The following MYO5B variants were observed in gnomAD, a reference collection of about 807,000 sequenced individuals.
The protein encoded by MYO5B is myosin VB.
In MYO5B, 143 loss-of-function variants were observed where a neutral mutation model predicts 229.3. The ratio of observed to expected loss-of-function variants is 0.62; its 90% CI spans 0.54 to 0.72. The LOEUF is 0.72. Ranked by LOEUF, MYO5B falls within the 30% of genes least tolerant of loss-of-function variation. The pLI is 0.00. For missense variants in MYO5B, 2,321 were observed against 2,331.0 expected (o/e 1.00, Z 0.09); for synonymous variants, 918 against 885.2 (o/e 1.04, Z -0.66).
At chr18:49,901,834 C>A (rs2024845047) in intron 21 of MYO5B, among the ~76,000 whole-genome samples, 1 of 152,180 alleles carries the variant, frequency 6.6e-6, no homozygotes, top group African/African-American at 2.4e-5. Context: ...CTTTAGGATG[C>A]CATGTGCCCT....
chr18:49,861,774 G>A (rs939313254), intron 29 of MYO5B, among the ~76,000 whole-genome samples: 1 of 152,162 alleles, frequency 6.6e-6, no homozygotes, highest in Non-Finnish European at 1.5e-5. Flanking sequence ...CTTCTCTGCA[G>A]AAAGAGGGAC....
At chr18:50,046,014 G>C (rs551167629) in intron 2 of MYO5B, among the ~76,000 whole-genome samples, 1 of 152,234 alleles carries the variant, frequency 6.6e-6, no homozygotes, top group African/African-American at 2.4e-5. Context: ...CCAAAGATTT[G>C]GAACTAATAA....
At chr18:49,829,016 T>C (rs911729716) in intron 39 of MYO5B, among the ~76,000 whole-genome samples, 6 of 149,196 alleles carry the variant, frequency 4.0e-5, no homozygotes, top group African/African-American at 1.5e-4. Context: ...ATAAATTAGA[T>C]GGAAAAAATA....
chr18:49,879,168 C>G, intron 23 of MYO5B, 78 bp from the exon 24 acceptor site: 1 of 1,590,178 alleles, frequency 6.3e-7, no homozygotes. Flanking sequence ...TCCGATTAAT[C>G]TCTTGTTAAG....
In MYO5B at chr18:49,847,290, C is replaced by T; in HGVS notation, c.4316-1G>A. On this transcript the variant is annotated splice_acceptor_variant, in intron 32 of 39. Transcript: ENST00000285039. LOFTEE classifies it high-confidence loss of function. ...TCACTCTGGGCCAATGCCTGGGCAG[C>T]TGAGCAGGAAAGAAAACAGGAAGCA... 1 of 1,613,098 alleles carries T rather than the reference C, an allele frequency of 6.2e-7. No individual in the cohort carries two copies. The highest frequency in any genetic ancestry group is 8.5e-7 in the Non-Finnish European group (1 of 1,179,940).
intron 10 of MYO5B, among the ~76,000 whole-genome samples, chr18:49,970,561 A>C (rs2025680229): frequency 6.6e-6 from 1 of 152,194 alleles, no homozygotes; most frequent in African/African-American, 2.4e-5. Flanking sequence ...TGGCGTGTGT[A>C]CTGCTTGCTT....
chr18:49,881,940 T>C (rs972565223), intron 22 of MYO5B, among the ~76,000 whole-genome samples: 1 of 152,204 alleles, frequency 6.6e-6, no homozygotes, highest in Admixed American at 6.5e-5. Context: ...TTAGTTGGTA[T>C]AGAGGAGGAT....
chr18:50,028,134 T>C (rs934044432), intron 4 of MYO5B, among the ~76,000 whole-genome samples: 1 of 152,218 alleles, frequency 6.6e-6, no homozygotes, highest in African/African-American at 2.4e-5. Context: ...TCTAATTGTA[T>C]GTGCAATTTA....
At chr18:49,954,629 C>T (rs1014073696) in intron 12 of MYO5B, among the ~76,000 whole-genome samples, 194 bp from the exon 13 acceptor site, 10 of 152,280 alleles carry the variant, frequency 6.6e-5, no homozygotes, top group Non-Finnish European at 1.3e-4. Flanking sequence ...TGCCCTCATC[C>T]CATGTGGGCT....
intron 1 of MYO5B, among the ~76,000 whole-genome samples, chr18:50,125,932 T>A (rs2032154969): frequency 6.6e-6 from 1 of 152,146 alleles, no homozygotes; most frequent in South Asian, 2.1e-4. Context: ...TCCACTTACA[T>A]GAGGGACCTA....
intron 1 of MYO5B, among the ~76,000 whole-genome samples, chr18:50,173,082 G>A (rs930270668): frequency 2.0e-5 from 3 of 152,080 alleles, no homozygotes; most frequent in Non-Finnish European, 2.9e-5. Flanking sequence ...TGGCCAACAC[G>A]GCGAACCCCG....
chr18:49,847,657 C>T (rs1237074659), intron 32 of MYO5B, among the ~76,000 whole-genome samples: 6 of 152,260 alleles, frequency 3.9e-5, no homozygotes, highest in Admixed American at 6.5e-5. Flanking sequence ...AGCTGCTTCT[C>T]TTTCCCTACT....
chr18:49,839,320 T>A, intron 35 of MYO5B, 26 bp from the exon 36 acceptor site: 1 of 1,610,812 alleles, frequency 6.2e-7, no homozygotes, highest in East Asian at 2.2e-5. Context: ...CGTGCACTAC[T>A]GAGTTCTCTG....
At chr18:50,043,055 C>T (rs1052876467) in intron 2 of MYO5B, among the ~76,000 whole-genome samples, 4 of 151,230 alleles carry the variant, frequency 2.6e-5, no homozygotes, top group African/African-American at 9.7e-5. Flanking sequence ...GTAGAACTAC[C>T]ATTTGATCTA....
At chr18:50,194,553 G>T (rs1290808798) in intron 1 of MYO5B, among the ~76,000 whole-genome samples, 2 of 152,234 alleles carry the variant, frequency 1.3e-5, no homozygotes, top group Non-Finnish European at 2.9e-5. Flanking sequence ...TAGGAGCCGG[G>T]TGGCCGGTCA....
intron 1 of MYO5B, among the ~76,000 whole-genome samples, chr18:50,177,299 G>A (rs927059349): frequency 9.2e-5 from 14 of 152,212 alleles, no homozygotes; most frequent in Admixed American, 5.2e-4. Flanking sequence ...GAATATTACC[G>A]TGTTATTATA....
intron 1 of MYO5B, among the ~76,000 whole-genome samples, chr18:50,140,602 G>A (rs1623594): frequency 0.92 from 139,425 of 152,290 alleles, 64,115 homozygotes; most frequent in East Asian, 1. Context: ...CAACCAAAGA[G>A]GCAAACAGCC....
At chr18:50,000,864 C>G (rs879535650) in intron 5 of MYO5B, among the ~76,000 whole-genome samples, 2 of 152,146 alleles carry the variant, frequency 1.3e-5, no homozygotes, top group Admixed American at 1.3e-4. Context: ...CTTTCCCGTC[C>G]CCCATGAAAA....
At chr18:50,020,945 A>T (rs1180168666) in intron 4 of MYO5B, among the ~76,000 whole-genome samples, 1 of 152,226 alleles carries the variant, frequency 6.6e-6, no homozygotes, top group Non-Finnish European at 1.5e-5. Context: ...TCTAGGGCAG[A>T]AATTGATACA....
Sources: gnomAD v4.1 joint callset for allele counts (sites outside exome capture counted in the v4.1 genomes callset) on GRCh38, gnomAD v4.1.1 for gene constraint, MANE v1.5 for transcripts, NCBI Gene and HGNC (gene_info 2026-07-23, HGNC 2026-07-21) for gene names.